Variants in SLC2A13 observed in about 807,000 individuals in gnomAD.
The protein encoded by SLC2A13 is proton myo-inositol cotransporter.
Under a neutral mutation model 64.4 loss-of-function variants are expected in SLC2A13, and 32 were observed. The observed-to-expected ratio is 0.50, with a 90% CI of 0.37 to 0.67. The LOEUF (loss-of-function observed/expected upper bound fraction) is 0.67, where lower values mean the gene tolerates loss of function less well. Ranked by LOEUF, SLC2A13 falls within the 30% of genes least tolerant of loss-of-function variation. The pLI, the probability that SLC2A13 is intolerant of heterozygous loss-of-function variation, is 0.00. For synonymous variants in SLC2A13, 338 were observed against 327.1 expected (o/e 1.03, Z -0.36); for missense variants, 743 against 829.2 (o/e 0.90, Z 1.28).
intron 7 of SLC2A13, among the ~76,000 whole-genome samples, chr12:39,772,620 A>C (rs1940624394): frequency 6.6e-6 from 1 of 152,214 alleles, no homozygotes; most frequent in Admixed American, 6.5e-5. Context: ...AAAGAGAAGA[A>C]GAAAGAAAAA....
intron 7 of SLC2A13, among the ~76,000 whole-genome samples, chr12:39,768,621 T>TA (rs1485757558): frequency 1.3e-5 from 2 of 152,092 alleles, no homozygotes; most frequent in East Asian, 3.9e-4. Flanking sequence ...AGGAAACAGC[T>TA]GGTTGGTGGA....
chr12:39,864,810 A>G lies in SLC2A13; in HGVS notation c.1271T>C (p.Phe424Ser), dbSNP rs1320513149. ...LSAQVSPRITFKPIAPSGQNA... is the reference protein window; with the variant it reads ...LSAQVSPRITSKPIAPSGQNA... Reference sequence around the variant, plus strand: ...CTGACCTGACGGAGCTATTGGCTTAAAAGTGATGCGTGGGGAAACTTGGGC... The same window carrying G: ...CTGACCTGACGGAGCTATTGGCTTAGAAGTGATGCGTGGGGAAACTTGGGC... The change falls in exon 6 of 10, where the codon TTT (phenylalanine) becomes TCT (serine). Residue 424 changes from phenylalanine (F) to serine (S), a missense_variant. Physicochemically the swap from Phe to Ser is radical, Grantham distance 155. Coordinates refer to ENST00000280871, the MANE Select transcript of SLC2A13 (RefSeq NM_052885.4). 6.2e-7 allele frequency: 1 copy of G among 1,614,134 alleles called. No individual in the cohort carries two copies. Among genetic ancestry groups the G allele is most frequent in the Non-Finnish European group, 8.5e-7 (1 of 1,179,980 alleles).
intron 3 of SLC2A13, among the ~76,000 whole-genome samples, chr12:40,018,348 G>A (rs1473040447): frequency 1.3e-5 from 2 of 152,116 alleles, no homozygotes; most frequent in Non-Finnish European, 2.9e-5. Flanking sequence ...CAACCCCTAG[G>A]ATAATGCATC....
In SLC2A13 at chr12:40,011,552, T is replaced by C. The variant is rs1947532344; in HGVS notation, c.925+16749A>G. The stretch of plus-strand genomic sequence containing the variant: ...ACAGATATATTGTGTGATGCTAAGG[T>C]TTGATCCTTAACATCATAAACATGC... On this transcript the variant is annotated intron_variant, in intron 3 of 9. Coordinates refer to ENST00000280871, the MANE Select transcript of SLC2A13 (RefSeq NM_052885.4). Among the ~76,000 whole-genome samples, 3 of 152,154 alleles carry C rather than the reference T, an allele frequency of 2.0e-5. No homozygotes were observed. The South Asian group carries it at 6.2e-4, about 32-fold the overall frequency.
chr12:39,756,324 T>A lies in SLC2A13; in HGVS notation c.*3702A>T, dbSNP rs1404050586. 6.6e-6 allele frequency: 1 copy of A among 151,962 alleles called. No individual in the cohort carries two copies. The highest frequency in any genetic ancestry group is 1.5e-5 in the Non-Finnish European group (1 of 67,790). The allele number at this position is 151,962 out of a possible 1,614,324, so 9.4% of individuals were successfully genotyped here. ...ATCTATTTCTTTTACTCATAGATACTGAAAAGGTCTTAATTTGGTAATTAA... is the reference window on the plus strand; with the variant it reads ...ATCTATTTCTTTTACTCATAGATACAGAAAAGGTCTTAATTTGGTAATTAA... On this transcript the variant is annotated 3_prime_UTR_variant, in exon 10 of 10. Coordinates refer to ENST00000280871, the MANE Select transcript of SLC2A13 (RefSeq NM_052885.4).
chr12:39,963,998 T>A, intron 3 of SLC2A13, among the ~76,000 whole-genome samples: 1 of 152,104 alleles, frequency 6.6e-6, no homozygotes, highest in Admixed American at 6.5e-5. Flanking sequence ...ATTGAAATTG[T>A]CCCCCAGATT....
At chr12:39,856,315 A>C (rs1943606351) in intron 6 of SLC2A13, among the ~76,000 whole-genome samples, 2 of 152,112 alleles carry the variant, frequency 1.3e-5, no homozygotes, top group Non-Finnish European at 2.9e-5. Context: ...ATAGTTTTCC[A>C]AGTTACTTTC....
intron 3 of SLC2A13, among the ~76,000 whole-genome samples, chr12:39,971,668 T>A (rs1338280798): frequency 1.3e-5 from 2 of 152,054 alleles, no homozygotes; most frequent in African/African-American, 2.4e-5. Context: ...ACAACATATA[T>A]GCCTACAAGA....
chr12:39,936,957 A>T (rs1387460614), intron 4 of SLC2A13, among the ~76,000 whole-genome samples: 1 of 152,136 alleles, frequency 6.6e-6, no homozygotes, highest in African/African-American at 2.4e-5. Context: ...TCATTGGCCT[A>T]ATGGGACTGG....
intron 3 of SLC2A13, among the ~76,000 whole-genome samples, chr12:39,975,926 T>A (rs1330838777): frequency 6.6e-6 from 1 of 152,224 alleles, no homozygotes; most frequent in Non-Finnish European, 1.5e-5. Context: ...AATAGCTATG[T>A]GCACTAACAA....
intron 3 of SLC2A13, among the ~76,000 whole-genome samples, chr12:40,025,364 C>T (rs1209783347): frequency 2.6e-5 from 4 of 152,176 alleles, no homozygotes; most frequent in Non-Finnish European, 5.9e-5. Context: ...ATATACACTT[C>T]AGTAGCTAGG....
At chr12:39,900,291 T>C (rs1350042061) in intron 4 of SLC2A13, among the ~76,000 whole-genome samples, 5 of 152,158 alleles carry the variant, frequency 3.3e-5, no homozygotes, top group Non-Finnish European at 7.4e-5. Flanking sequence ...AAGACAGGGA[T>C]GCCCTCTCTC....
chr12:40,075,195 A>G (rs768177014), intron 1 of SLC2A13, among the ~76,000 whole-genome samples: 6 of 152,206 alleles, frequency 3.9e-5, no homozygotes, highest in Admixed American at 6.5e-5. Context: ...GGTGAAATTC[A>G]TAAGAGTGGA....
intron 1 of SLC2A13, among the ~76,000 whole-genome samples, chr12:40,102,341 C>T (rs1939178418): frequency 1.3e-5 from 2 of 152,124 alleles, no homozygotes; most frequent in Non-Finnish European, 1.5e-5. Flanking sequence ...CTTTAGATGC[C>T]CTTTCAAATA....
intron 7 of SLC2A13, among the ~76,000 whole-genome samples, chr12:39,815,267 G>C (rs1171636510): frequency 6.6e-6 from 1 of 152,160 alleles, no homozygotes; most frequent in Non-Finnish European, 1.5e-5. Flanking sequence ...TAGAAAAAGA[G>C]AAAACAGAAT....
intron 3 of SLC2A13, among the ~76,000 whole-genome samples, chr12:40,008,569 C>A (rs982047962): frequency 2.7e-4 from 41 of 151,714 alleles, no homozygotes; most frequent in African/African-American, 9.4e-4. Flanking sequence ...AGAGGTTTCA[C>A]CACTACACTC....
chr12:39,987,725 T>C (rs1395875244), intron 3 of SLC2A13, among the ~76,000 whole-genome samples: 2 of 152,198 alleles, frequency 1.3e-5, no homozygotes, highest in African/African-American at 4.8e-5. Context: ...TTTCTTGTAA[T>C]AAAGCATCAT....
At chr12:39,865,651 A>C (rs1943887758) in intron 5 of SLC2A13, among the ~76,000 whole-genome samples, 1 of 152,244 alleles carries the variant, frequency 6.6e-6, no homozygotes, top group Non-Finnish European at 1.5e-5. Flanking sequence ...GAAAAGGGTC[A>C]TGGGAAGAAT....
chr12:39,848,704 A>G (rs1943386936), intron 6 of SLC2A13, among the ~76,000 whole-genome samples: 1 of 152,214 alleles, frequency 6.6e-6, no homozygotes, highest in Non-Finnish European at 1.5e-5. Context: ...GCATTCTACC[A>G]TAAAGACACA....
Sources: gnomAD v4.1 joint callset for allele counts (sites outside exome capture counted in the v4.1 genomes callset) on GRCh38, gnomAD v4.1.1 for gene constraint, MANE v1.5 for transcripts, NCBI Gene and HGNC (gene_info 2026-07-23, HGNC 2026-07-21) for gene names.